The following CEP112 variants were observed in gnomAD, a reference collection of about 807,000 sequenced individuals.
CEP112 encodes the protein centrosomal protein 112.
CEP112 carries 127 observed loss-of-function variants against 153.0 expected under a neutral mutation model. The observed-to-expected ratio is 0.83, with a 90% CI of 0.72 to 0.96. The LOEUF (loss-of-function observed/expected upper bound fraction) is 0.96, where lower values mean the gene tolerates loss of function less well. Ranked by LOEUF, CEP112 falls within the 40% of genes least tolerant of loss-of-function variation. The pLI, the probability that CEP112 is intolerant of heterozygous loss-of-function variation, is 0.00. For missense variants in CEP112, 1,089 were observed against 1,101.2 expected, an observed-to-expected ratio of 0.99 and a Z score of 0.16; for synonymous variants, 358 against 374.4, an observed-to-expected ratio of 0.96 and a Z score of 0.51.
intron 12 of CEP112, among the ~76,000 whole-genome samples, chr17:66,035,265 T>C (rs148028167): frequency 1.3e-5 from 2 of 151,984 alleles, no homozygotes; most frequent in Non-Finnish European, 2.9e-5. Flanking sequence ...AGCAGAACTA[T>C]GAGAGGACGT....
intron 16 of CEP112, among the ~76,000 whole-genome samples, chr17:66,014,564 C>T (rs2064688971): frequency 6.6e-6 from 1 of 152,144 alleles, no homozygotes; most frequent in Admixed American, 6.5e-5. Context: ...TGGAGTCCTG[C>T]CCCAACCATC....
At chr17:65,957,013 G>A (rs770707126) in intron 18 of CEP112, among the ~76,000 whole-genome samples, 1 of 152,128 alleles carries the variant, frequency 6.6e-6, no homozygotes, top group Non-Finnish European at 1.5e-5. Flanking sequence ...GATGAGTCAT[G>A]CCTTGGGTAG....
At chr17:65,775,262 G>A (rs1163469806) in intron 21 of CEP112, among the ~76,000 whole-genome samples, 1 of 152,042 alleles carries the variant, frequency 6.6e-6, no homozygotes, top group Admixed American at 6.5e-5. Context: ...CACGGAGTCA[G>A]AGGAAGCTAG....
chr17:65,803,835 G>A (rs539237939), intron 21 of CEP112, among the ~76,000 whole-genome samples: 21 of 152,270 alleles, frequency 1.4e-4, no homozygotes, highest in Middle Eastern at 3.4e-3. Flanking sequence ...AGTCAAAAGA[G>A]CATTTTTATG....
intron 12 of CEP112, among the ~76,000 whole-genome samples, chr17:66,053,171 A>G (rs2066515618): frequency 6.6e-6 from 1 of 151,852 alleles, no homozygotes; most frequent in Admixed American, 6.6e-5. Flanking sequence ...AAAAAACAAG[A>G]AGAAAAAAGA....
At chr17:65,889,394 G>A (rs994526271) in intron 20 of CEP112, among the ~76,000 whole-genome samples, 7 of 152,132 alleles carry the variant, frequency 4.6e-5, no homozygotes. Context: ...TATTGACAGG[G>A]TTATTCAGAA....
chr17:66,058,659 G>C (rs1373395792), intron 11 of CEP112, among the ~76,000 whole-genome samples: 1 of 151,976 alleles, frequency 6.6e-6, no homozygotes, highest in African/African-American at 2.4e-5. Context: ...AGACAAGCCT[G>C]GGCAACATAG....
intron 21 of CEP112, among the ~76,000 whole-genome samples, chr17:65,752,962 C>T (rs540238593): frequency 6.6e-6 from 1 of 152,264 alleles, no homozygotes; most frequent in East Asian, 1.9e-4. Flanking sequence ...ACAGGCTGGA[C>T]ACTAGGATTT....
chr17:65,693,604 G>GCTT (rs1269916216), intron 23 of CEP112, among the ~76,000 whole-genome samples: 1 of 152,210 alleles, frequency 6.6e-6, no homozygotes, highest in Non-Finnish European at 1.5e-5. Flanking sequence ...AAGGCTTTAA[G>GCTT]ATGGAGTGAC....
chr17:66,152,529 A>T (rs1286528368), intron 4 of CEP112, among the ~76,000 whole-genome samples: 1 of 152,208 alleles, frequency 6.6e-6, no homozygotes, highest in Non-Finnish European at 1.5e-5. Flanking sequence ...AATATCCTAA[A>T]TTAAGAAAGT....
chr17:65,714,801 GA>G (rs1373975929), intron 23 of CEP112, among the ~76,000 whole-genome samples: 1 of 152,020 alleles, frequency 6.6e-6, no homozygotes, highest in African/African-American at 2.4e-5. Context: ...TATTTAGGCA[GA>G]AAAAAATAGT....
chr17:65,677,836 C>T (rs549487329), intron 24 of CEP112, among the ~76,000 whole-genome samples: 1 of 152,086 alleles, frequency 6.6e-6, no homozygotes, highest in Non-Finnish European at 1.5e-5. Context: ...TAGCTTGAAC[C>T]CGGGAGGCAG....
intron 2 of CEP112, among the ~76,000 whole-genome samples, chr17:66,177,815 T>G (rs185501419): frequency 1.1e-3 from 167 of 152,264 alleles, no homozygotes; most frequent in Non-Finnish European, 1.8e-3. Flanking sequence ...TATATGAAGA[T>G]TGTCTTTCTG....
chr17:66,112,922 G>C (rs922884369), intron 6 of CEP112, among the ~76,000 whole-genome samples: 5 of 151,900 alleles, frequency 3.3e-5, no homozygotes, highest in Admixed American at 1.3e-4. Flanking sequence ...CTCCAGCCTG[G>C]GTGCCAGAGT....
chr17:66,058,645 T>C (rs551340109), intron 11 of CEP112, among the ~76,000 whole-genome samples: 5 of 150,194 alleles, frequency 3.3e-5, no homozygotes, highest in Non-Finnish European at 7.4e-5. Context: ...AGGTCAGGAG[T>C]TCAAGACAAG....
chr17:65,670,156 T>A (rs1468612721), intron 24 of CEP112, among the ~76,000 whole-genome samples: 2 of 151,174 alleles, frequency 1.3e-5, no homozygotes, highest in Non-Finnish European at 2.9e-5. Flanking sequence ...TTTGAGGTTT[T>A]TTTGTTTTTG....
At chr17:65,842,735 C>T (rs1266612317) in intron 21 of CEP112, among the ~76,000 whole-genome samples, 1 of 151,910 alleles carries the variant, frequency 6.6e-6, no homozygotes, top group Non-Finnish European at 1.5e-5. Flanking sequence ...AGCTGGGGCT[C>T]ATGTAAAAAA....
intron 21 of CEP112, among the ~76,000 whole-genome samples, chr17:65,831,571 A>G (rs923948001): frequency 6.6e-6 from 1 of 151,800 alleles, no homozygotes; most frequent in African/African-American, 2.4e-5. Flanking sequence ...AAAAAAAAAA[A>G]GAACAAATTT....
At chr17:65,869,774 A>G (rs181007711) in intron 20 of CEP112, among the ~76,000 whole-genome samples, 6 of 151,862 alleles carry the variant, frequency 4.0e-5, no homozygotes, top group African/African-American at 1.4e-4. Flanking sequence ...TTTAGTAGAG[A>G]CAGGGTTTCA....
Sources: allele counts gnomAD v4.1 joint callset (sites outside exome capture counted in the v4.1 genomes callset), GRCh38; gene constraint gnomAD v4.1.1; transcripts MANE v1.5; gene names NCBI Gene and HGNC (gene_info 2026-07-23, HGNC 2026-07-21).